TREML4: variants seen among roughly 807,000 people sequenced by gnomAD.
TREML4 encodes triggering receptor expressed on myeloid cells like 4.
TREML4 carries 25 observed loss-of-function variants against 25.4 expected under a neutral mutation model. The observed-to-expected ratio is 0.98, with a 90% CI of 0.72 to 1.37. TREML4 has a LOEUF of 1.37. Among genes scored for constraint, TREML4 ranks in the 40% most tolerant of loss-of-function variants. The probability of loss-of-function intolerance (pLI) is 0.00; values close to 1 mark genes in which losing one functional copy is unlikely to be tolerated. For missense variants in TREML4, 268 were observed against 236.5 expected (o/e 1.13, Z -0.87); for synonymous variants, 92 against 87.9 (o/e 1.05, Z -0.26).
At position 41,237,580 on chromosome 6, in the gene TREML4, G is replaced by C. The variant is rs1161990390; in HGVS notation, c.*561G>C. ...GGGGCAGCTGAGCAAGACAGCAGTT[G>C]TATCCCCTCACCTTCCTCCCGTCCC... On this transcript the variant is annotated 3_prime_UTR_variant, in exon 6 of 6. Coordinates refer to ENST00000341495, the MANE Select transcript of TREML4 (RefSeq NM_198153.3). 1 of 152,154 alleles carries C rather than the reference G, an allele frequency of 6.6e-6. No homozygotes were observed. Among genetic ancestry groups the C allele is most frequent in the Non-Finnish European group, 1.5e-5 (1 of 68,056 alleles). 9.4% of individuals were successfully genotyped at this position (152,154 alleles called of 1,614,324 possible). A position where few individuals can be genotyped will look rare whatever the true frequency, so the allele number is the denominator to read the frequency against.
chr6:41,231,024 C>T (rs1766785500), intron 4 of TREML4: 1 of 362,540 alleles, frequency 2.8e-6, no homozygotes, highest in East Asian at 7.5e-5. Flanking sequence ...GTTGCACGCT[C>T]CTTATGATAA....
chr6:41,236,469 C>A lies in TREML4; in HGVS notation c.507-17C>A. 1 of 1,612,608 alleles carries A rather than the reference C, an allele frequency of 6.2e-7. No individual in the cohort carries two copies. Among genetic ancestry groups the A allele is most frequent in the South Asian group, 1.1e-5 (1 of 91,026 alleles). ...TCCTGGCCCAAGTCCATCCTCCTTT[C>A]TCCTTCTTCCCTGCAGGAAATCAAG... is the stretch of plus-strand genomic sequence containing the variant. On this transcript the variant is annotated splice_polypyrimidine_tract_variant and intron_variant, in intron 4 of 5. Coordinates refer to ENST00000341495, the MANE Select transcript of TREML4 (RefSeq NM_198153.3).
chr6:41,237,756 T>G lies in TREML4; in HGVS notation c.*737T>G, dbSNP rs560198744. 6 of 152,312 alleles carry G rather than the reference T, an allele frequency of 3.9e-5. No individual in the cohort carries two copies. Among genetic ancestry groups the G allele is most frequent in the South Asian group, 4.1e-4 (2 of 4,824 alleles). 9.4% of individuals were successfully genotyped at this position (152,312 alleles called of 1,614,324 possible). A position where few individuals can be genotyped will look rare whatever the true frequency, so the allele number is the denominator to read the frequency against. On this transcript the variant is annotated 3_prime_UTR_variant, in exon 6 of 6. Transcript: ENST00000341495. ...CGTTAAAATGACATGAGCAGGCGAC[T>G]CAGTGGCCCAAAACAGGACCCAGAA...
At chr6:41,234,319 G>T (rs4714440) in intron 4 of TREML4, among the ~76,000 whole-genome samples, 72,210 of 151,800 alleles carry the variant, frequency 0.48, 18,106 homozygotes, top group Non-Finnish European at 0.56. Context: ...GGAGTAATTA[G>T]TACCTTTGAA....
chr6:41,232,065 T>C (rs894381367), intron 4 of TREML4, among the ~76,000 whole-genome samples: 1 of 152,012 alleles, frequency 6.6e-6, no homozygotes, highest in South Asian at 2.1e-4. Context: ...ATTAGACTTC[T>C]TAAGAAGAAC....
At chr6:41,233,889 C>A (rs1036634652) in intron 4 of TREML4, among the ~76,000 whole-genome samples, 7 of 150,844 alleles carry the variant, frequency 4.6e-5, no homozygotes, top group Non-Finnish European at 8.9e-5. Context: ...GAAAAATGTT[C>A]TAAACTATAT....
intron 2 of TREML4, 78 bp downstream of exon 2, chr6:41,229,122 G>A: frequency 2.4e-6 from 3 of 1,276,454 alleles, no homozygotes; most frequent in Non-Finnish European, 3.3e-6. Context: ...CCCCTCCCAT[G>A]CCTCTATCAT....
intron 4 of TREML4, among the ~76,000 whole-genome samples, chr6:41,231,552 C>T (rs1766800162): frequency 6.6e-6 from 1 of 152,108 alleles, no homozygotes; most frequent in Admixed American, 6.5e-5. Flanking sequence ...TATGATCAGT[C>T]TGGCTAAAGG....
At chr6:41,229,084 C>A in intron 2 of TREML4, 40 bp downstream of exon 2, 1 of 1,546,738 alleles carries the variant, frequency 6.5e-7, no homozygotes. Context: ...GTGCCACCCC[C>A]CAGGGACCTG....
In TREML4 at chr6:41,238,376, T is replaced by C. The variant is rs1005524639; in HGVS notation, c.*1357T>C. ...GTTTTCACTTACATAAAAGAAATTG[T>C]GATAGACCTTTTTCATATGCTTGTC... On this transcript the variant is annotated 3_prime_UTR_variant, in exon 6 of 6. Coordinates refer to ENST00000341495, the MANE Select transcript of TREML4 (RefSeq NM_198153.3). 2.0e-5 allele frequency: 3 copies of C among 152,238 alleles called. No homozygotes were observed. Among genetic ancestry groups the C allele is most frequent in the African/African-American group, 7.2e-5 (3 of 41,464 alleles). The allele number at this position is 152,238 out of a possible 1,614,324, so 9.4% of individuals were successfully genotyped here. A position where few individuals can be genotyped will look rare whatever the true frequency, so the allele number is the denominator to read the frequency against.
intron 3 of TREML4, 113 bp from the exon 4 acceptor site, chr6:41,229,949 C>A: frequency 1.1e-6 from 1 of 886,324 alleles, no homozygotes; most frequent in Non-Finnish European, 1.9e-6. Flanking sequence ...GCCTGAGGGA[C>A]CCTTAGGGGC....
At chr6:41,230,034 G>A (rs754671452) in intron 3 of TREML4, 28 bp from the exon 4 acceptor site, 3 of 1,586,532 alleles carry the variant, frequency 1.9e-6, no homozygotes, top group Non-Finnish European at 2.6e-6. Context: ...GCCCTGGGCA[G>A]CCACTGTCTT....
At position 41,229,506 on chromosome 6, in the gene TREML4, G is replaced by A. The variant is rs775502032; in HGVS notation, c.395-15G>A. 62 of 1,613,646 alleles carry A rather than the reference G, an allele frequency of 3.8e-5. No individual in the cohort carries two copies. The highest frequency in any genetic ancestry group is 6.7e-5 in the African/African-American group (5 of 74,886). Reference sequence around the variant, plus strand: ...GGCCCCTGGAGAGTCATTGTCTGCTGTCTTTTCTCTTTAGCCCCAACCACG... The same window carrying A: ...GGCCCCTGGAGAGTCATTGTCTGCTATCTTTTCTCTTTAGCCCCAACCACG... On this transcript the variant is annotated splice_polypyrimidine_tract_variant and intron_variant, in intron 2 of 5. Coordinates refer to ENST00000341495, the MANE Select transcript of TREML4 (RefSeq NM_198153.3).
intron 4 of TREML4, among the ~76,000 whole-genome samples, chr6:41,236,140 C>T (rs1766891592): frequency 6.8e-6 from 1 of 146,934 alleles, no homozygotes; most frequent in African/African-American, 2.5e-5. Flanking sequence ...CTTGAAGATG[C>T]ACTGGGCTCT....
chr6:41,236,354 C>T (rs9349185), intron 4 of TREML4, 132 bp from the exon 5 acceptor site: 230,745 of 683,846 alleles, frequency 0.34, 39,786 homozygotes, highest in East Asian at 0.38. Flanking sequence ...CCCCACACCC[C>T]TCTGTCATCG....
At chr6:41,236,853 G>A (rs1374119775) in intron 5 of TREML4, among the ~76,000 whole-genome samples, 1 of 152,070 alleles carries the variant, frequency 6.6e-6, no homozygotes, top group Non-Finnish European at 1.5e-5. Context: ...TGTCCTGAGA[G>A]GAAAAAGACC....
chr6:41,229,143 G>T lies in TREML4; in HGVS notation c.394+99G>T, dbSNP rs978311322. 3.7e-5 allele frequency: 41 copies of T among 1,116,298 alleles called. No individual in the cohort carries two copies. In the South Asian group the frequency reaches 5.2e-4, roughly 14 times the overall value. The allele number at this position is 1,116,298 out of a possible 1,614,324, so 69.1% of individuals were successfully genotyped here. On this transcript the variant is annotated intron_variant, in intron 2 of 5. Coordinates refer to ENST00000341495, the MANE Select transcript of TREML4 (RefSeq NM_198153.3). Reference sequence around the variant, plus strand: ...CCATGCCTCTATCATCCCCCATCCTGCCAGGTATTCTGCTGTGGTCCAAGG... The same window carrying T: ...CCATGCCTCTATCATCCCCCATCCTTCCAGGTATTCTGCTGTGGTCCAAGG...
At chr6:41,232,542 T>G (rs1485841325) in intron 4 of TREML4, 1 of 159,702 alleles carries the variant, frequency 6.3e-6, no homozygotes, top group Non-Finnish European at 1.4e-5. Flanking sequence ...GCGCATAACA[T>G]TTACTGTGCA....
chr6:41,237,731 C>T lies in TREML4; in HGVS notation c.*712C>T, dbSNP rs147424396. On this transcript the variant is annotated 3_prime_UTR_variant, in exon 6 of 6. Coordinates refer to ENST00000341495, the MANE Select transcript of TREML4 (RefSeq NM_198153.3). ...TAGAAGTAAAAGAAAAAATTAGATGCGTTAAAATGACATGAGCAGGCGACT... is the reference window on the plus strand; with the variant it reads ...TAGAAGTAAAAGAAAAAATTAGATGTGTTAAAATGACATGAGCAGGCGACT... 3.4e-4 allele frequency: 51 copies of T among 152,226 alleles called. 1 individual carries two copies. In the East Asian group the frequency reaches 7.7e-3, roughly 23 times the overall value. The allele number at this position is 152,226 out of a possible 1,614,324, so 9.4% of individuals were successfully genotyped here.
Sources: gnomAD v4.1 joint callset for allele counts (sites outside exome capture counted in the v4.1 genomes callset) on GRCh38, gnomAD v4.1.1 for gene constraint, MANE v1.5 for transcripts, NCBI Gene and HGNC (gene_info 2026-07-23, HGNC 2026-07-21) for gene names.